The following MAPK4 variants were observed in gnomAD, a reference collection of about 807,000 sequenced individuals.
MAPK4 encodes the protein mitogen-activated protein kinase 4, also known as Erk3-related.
A neutral mutation model predicts 47.7 loss-of-function variants in MAPK4; 22 were observed. The ratio of observed to expected loss-of-function variants is 0.46; its 90% confidence interval spans 0.33 to 0.66. The LOEUF is 0.66. Ranked by LOEUF, MAPK4 falls within the 30% of genes least tolerant of loss-of-function variation. The pLI, the probability that MAPK4 is intolerant of heterozygous loss-of-function variation, is 0.02. For synonymous variants in MAPK4, 390 were observed against 365.7 expected (o/e 1.07, Z -0.76); for missense variants, 736 against 831.7 (o/e 0.88, Z 1.42).
intron 5 of MAPK4, among the ~76,000 whole-genome samples, chr18:50,726,536 G>A (rs897889062): frequency 4.6e-5 from 7 of 151,994 alleles, no homozygotes; most frequent in African/African-American, 1.7e-4. Context: ...ACAAGGCGAG[G>A]CAAAAAAACA....
chr18:50,701,722 G>C (rs768930782), intron 2 of MAPK4, among the ~76,000 whole-genome samples: 4 of 152,130 alleles, frequency 2.6e-5, no homozygotes, highest in Non-Finnish European at 4.4e-5. Context: ...AATTCAAAGA[G>C]AATAGAAGTT....
intron 1 of MAPK4, among the ~76,000 whole-genome samples, chr18:50,586,926 C>T (rs1162278170): frequency 1.3e-5 from 2 of 152,078 alleles, no homozygotes; most frequent in African/African-American, 2.4e-5. Flanking sequence ...GTGACACCTT[C>T]AAATTGCAGG....
intron 2 of MAPK4, among the ~76,000 whole-genome samples, chr18:50,710,704 C>T (rs1431798578): frequency 1.3e-5 from 2 of 151,920 alleles, no homozygotes; most frequent in Admixed American, 6.6e-5. Context: ...GGCGTGAACC[C>T]GGGAGGCGGA....
intron 3 of MAPK4, among the ~76,000 whole-genome samples, chr18:50,720,218 C>A (rs1200138773): frequency 2.0e-5 from 3 of 152,150 alleles, no homozygotes; most frequent in African/African-American, 4.8e-5. Context: ...GGACATAAAT[C>A]CCCAAGGTGG....
intron 1 of MAPK4, among the ~76,000 whole-genome samples, chr18:50,599,727 T>C (rs2042518744): frequency 6.6e-6 from 1 of 152,204 alleles, no homozygotes; most frequent in African/African-American, 2.4e-5. Flanking sequence ...CCTGCTTTTA[T>C]TATTTTTAAT....
chr18:50,647,819 G>A (rs2043004478), intron 1 of MAPK4, among the ~76,000 whole-genome samples: 1 of 152,040 alleles, frequency 6.6e-6, no homozygotes. Context: ...TTAAGCCTCT[G>A]CTGTCATTCT....
intron 3 of MAPK4, 95 bp downstream of exon 3, chr18:50,715,318 C>G: frequency 1.4e-6 from 2 of 1,393,680 alleles, no homozygotes; most frequent in Non-Finnish European, 1.9e-6. Context: ...AAAACATGCT[C>G]ATCTTTTGCT....
intron 1 of MAPK4, among the ~76,000 whole-genome samples, chr18:50,565,785 G>A (rs1170942027): frequency 6.6e-6 from 1 of 152,162 alleles, no homozygotes; most frequent in Non-Finnish European, 1.5e-5. Flanking sequence ...TTGTAGTCTA[G>A]GAGCAATAGG....
intron 1 of MAPK4, among the ~76,000 whole-genome samples, chr18:50,590,465 C>G (rs975511229): frequency 3.3e-5 from 5 of 152,194 alleles, no homozygotes; most frequent in African/African-American, 1.2e-4. Flanking sequence ...TGCTGAGGCA[C>G]TTCCATGACT....
intron 1 of MAPK4, among the ~76,000 whole-genome samples, chr18:50,637,105 ACATCTCC>A (rs2042895512): frequency 6.6e-6 from 1 of 152,160 alleles, no homozygotes; most frequent in South Asian, 2.1e-4. Flanking sequence ...CCCTTCTAAG[ACATCTCC>A]CATCTCTGGG....
chr18:50,569,921 A>G (rs2042235075), intron 1 of MAPK4, among the ~76,000 whole-genome samples: 1 of 152,238 alleles, frequency 6.6e-6, no homozygotes, highest in African/African-American at 2.4e-5. Context: ...ACTGAGGCCT[A>G]CATGTCTAGA....
At chr18:50,566,795 T>C (rs1395494661) in intron 1 of MAPK4, among the ~76,000 whole-genome samples, 1 of 150,622 alleles carries the variant, frequency 6.6e-6, no homozygotes, top group Non-Finnish European at 1.5e-5. Flanking sequence ...TATTTGTCTA[T>C]TTAAAAAAGT....
In MAPK4 at chr18:50,677,495, C is replaced by T. The variant is rs541663704; in HGVS notation, c.546+12991C>T. Among the ~76,000 whole-genome samples the T allele has an allele frequency of 8.5e-5, 13 of 152,092 alleles. No individual in the cohort carries two copies. The South Asian group carries it at 1.0e-3, about 12-fold the overall frequency. On this transcript the variant is annotated intron_variant, in intron 2 of 5. Coordinates refer to ENST00000400384, the MANE Select transcript of MAPK4 (RefSeq NM_002747.4). The stretch of plus-strand genomic sequence containing the variant: ...CCCCAGCGTGTGGCCCAGGAGTCCA[C>T]GGACAGGGACCCTCAACTGCCTTCT...
Position 50,726,570 on chromosome 18 carries a change from C to T in MAPK4, c.1067+395C>T, listed in dbSNP as rs145556785. On this transcript the variant is annotated intron_variant, in intron 5 of 5. Coordinates refer to ENST00000400384, the MANE Select transcript of MAPK4 (RefSeq NM_002747.4). ...CAAAGCAGAGATTACCATTACAAAA[C>T]GCTATCTCATGTTTCATGTTGGTAA... Among the ~76,000 whole-genome samples, 1,079 of 152,272 alleles carry T rather than the reference C, an allele frequency of 7.1e-3. 20 individuals are homozygous for T. The highest frequency in any genetic ancestry group is 0.024 in the African/African-American group (982 of 41,538).
intron 1 of MAPK4, among the ~76,000 whole-genome samples, chr18:50,580,567 G>A (rs750526686): frequency 2.6e-5 from 4 of 152,172 alleles, no homozygotes; most frequent in Non-Finnish European, 5.9e-5. Flanking sequence ...TCAACCTATG[G>A]CTGGCTAAGG....
intron 1 of MAPK4, among the ~76,000 whole-genome samples, chr18:50,569,138 A>G (rs1447551384): frequency 6.6e-6 from 1 of 152,168 alleles, no homozygotes; most frequent in Non-Finnish European, 1.5e-5. Flanking sequence ...TTATCTTTAA[A>G]TGTGTGCTGG....
At chr18:50,622,742 A>G (rs2042743551) in intron 1 of MAPK4, among the ~76,000 whole-genome samples, 1 of 152,254 alleles carries the variant, frequency 6.6e-6, no homozygotes, top group Non-Finnish European at 1.5e-5. Flanking sequence ...TTTAAAGAAT[A>G]ATAATGAACC....
At chr18:50,607,452 C>A (rs2149375468) in intron 1 of MAPK4, among the ~76,000 whole-genome samples, 1 of 152,268 alleles carries the variant, frequency 6.6e-6, no homozygotes, top group Admixed American at 6.5e-5. Flanking sequence ...CTCTTGTCCC[C>A]TTTGCTACTT....
At position 50,729,710 on chromosome 18, in the gene MAPK4, C is replaced by T. The variant is rs780490727; in HGVS notation, c.1620C>T (p.Asp540=). The change falls in exon 6 of 6, where the codon GAC becomes GAT. Residue 540 remains aspartate, a synonymous_variant. Transcript: ENST00000400384. ...DGGASPQFDL[D]VFISRALKLC... ...GCGCCAGCCCCCAGTTCGACCTGGA[C>T]GTGTTCATCTCCCGCGCCCTGAAGC... 20 of 1,575,052 alleles carry T rather than the reference C, an allele frequency of 1.3e-5. No homozygotes were observed. The Admixed American group carries it at 1.7e-4, about 13-fold the overall frequency.
Sources: allele counts gnomAD v4.1 joint callset (sites outside exome capture counted in the v4.1 genomes callset), GRCh38; gene constraint gnomAD v4.1.1; transcripts MANE v1.5; gene names NCBI Gene and HGNC (gene_info 2026-07-23, HGNC 2026-07-21).